The following ZNF536 variants were observed in gnomAD, a reference collection of about 807,000 sequenced individuals.
ZNF536 encodes zinc finger protein 536.
ZNF536 carries 13 observed loss-of-function variants against 84.5 expected under a neutral mutation model. That is an observed-to-expected ratio of 0.15 (90% CI 0.10 to 0.24). The LOEUF (loss-of-function observed/expected upper bound fraction) is 0.24, where lower values mean the gene tolerates loss of function less well. ZNF536 is among the 10% of genes least tolerant of loss of function. The pLI is 1.00. For missense variants in ZNF536, 1,536 were observed against 1,747.5 expected (o/e 0.88, Z 2.16); for synonymous variants, 811 against 742.5 (o/e 1.09, Z -1.50).
chr19:30,546,554 C>T (rs2045565714), intron 3 of ZNF536, among the ~76,000 whole-genome samples: 1 of 152,180 alleles, frequency 6.6e-6, no homozygotes. Context: ...CTCACAAAGT[C>T]CACGCCCCCA....
intron 2 of ZNF536, among the ~76,000 whole-genome samples, chr19:30,321,734 C>T (rs921097915): frequency 6.0e-5 from 9 of 150,320 alleles, no homozygotes; most frequent in Non-Finnish European, 1.0e-4. Flanking sequence ...ATTAGTCTAC[C>T]TGGCTAATTT....
chr19:30,534,817 T>G, intron 2 of ZNF536, 30 bp from the exon 3 acceptor site: 2 of 1,590,244 alleles, frequency 1.3e-6, no homozygotes, highest in Non-Finnish European at 1.7e-6. Context: ...TGTGCTGAAG[T>G]GATGTGAGAA....
At chr19:30,688,489 T>G (rs1371846630) in intron 1 of ZNF536, among the ~76,000 whole-genome samples, 1 of 152,234 alleles carries the variant, frequency 6.6e-6, no homozygotes, top group Admixed American at 6.5e-5. Context: ...ATCCATCATA[T>G]TTTGAGAGTC....
intron 1 of ZNF536, among the ~76,000 whole-genome samples, chr19:30,679,679 G>A (rs553313788): frequency 5.3e-5 from 8 of 152,198 alleles, no homozygotes; most frequent in South Asian, 2.1e-4. Flanking sequence ...AGGCAGGTGC[G>A]TGTCGGCTCC....
intron 2 of ZNF536, among the ~76,000 whole-genome samples, chr19:30,469,270 C>G (rs578191796): frequency 6.6e-6 from 1 of 152,056 alleles, no homozygotes; most frequent in Admixed American, 6.5e-5. Context: ...AAAAATTAGC[C>G]GGGCGTGGTG....
chr19:30,386,571 T>C (rs1011156814), intron 1 of ZNF536, among the ~76,000 whole-genome samples: 2 of 151,858 alleles, frequency 1.3e-5, no homozygotes, highest in Non-Finnish European at 2.9e-5. Context: ...AGAGAGGGGG[T>C]CTCAGTATGT....
chr19:30,402,666 G>A (rs936212657), intron 1 of ZNF536, among the ~76,000 whole-genome samples: 11 of 151,526 alleles, frequency 7.3e-5, no homozygotes, highest in African/African-American at 2.2e-4. Flanking sequence ...CGCGGCCGAC[G>A]TGGGTTTAAA....
intron 3 of ZNF536, among the ~76,000 whole-genome samples, chr19:30,545,078 G>T (rs2045488206): frequency 6.6e-6 from 1 of 152,180 alleles, no homozygotes; most frequent in Non-Finnish European, 1.5e-5. Flanking sequence ...GGGCCACCTG[G>T]GAAAGTCCCG....
intron 1 of ZNF536, among the ~76,000 whole-genome samples, chr19:30,270,750 G>GTTT (rs34762536): frequency 7.1e-6 from 1 of 141,624 alleles, no homozygotes. Context: ...AAAAATGCAG[G>GTTT]TTTTTTTTTT....
At chr19:30,666,226 A>C (rs921276631) in intron 1 of ZNF536, among the ~76,000 whole-genome samples, 6 of 152,206 alleles carry the variant, frequency 3.9e-5, no homozygotes, top group African/African-American at 1.2e-4. Context: ...CCCTCCCAGC[A>C]GCAGGTGCAC....
intron 1 of ZNF536, among the ~76,000 whole-genome samples, chr19:30,628,915 G>A (rs2048788871): frequency 6.6e-6 from 1 of 152,172 alleles, no homozygotes; most frequent in Admixed American, 6.5e-5. Flanking sequence ...ACATAGGCCA[G>A]GCTGGTCTTG....
Position 30,616,602 on chromosome 19 carries a change from A to T in ZNF536, c.169+67088A>T, listed in dbSNP as rs540579304. On this transcript the variant is annotated intron_variant, in intron 1 of 1. Coordinates refer to the ZNF536 transcript ENST00000592773. Reference sequence around the variant, plus strand: ...ATTTGTTATTTGCATTGCTGTTACAAAGCATGATTGATTGATTTTTAATAT... The same window carrying T: ...ATTTGTTATTTGCATTGCTGTTACATAGCATGATTGATTGATTTTTAATAT... Among the ~76,000 whole-genome samples, 7 of 152,314 alleles carry T rather than the reference A, an allele frequency of 4.6e-5. No individual in the cohort carries two copies. The South Asian group carries it at 1.4e-3, about 32-fold the overall frequency.
chr19:30,572,638 C>T (rs907950285), intron 1 of ZNF536, among the ~76,000 whole-genome samples: 1 of 152,178 alleles, frequency 6.6e-6, no homozygotes, highest in African/African-American at 2.4e-5. Flanking sequence ...TGGTCGCCAA[C>T]AGAGTAATCA....
At chr19:30,559,616 G>A (rs893633313), downstream of ZNF536, among the ~76,000 whole-genome samples, 3 of 152,172 alleles carry the variant, frequency 2.0e-5, no homozygotes, top group Non-Finnish European at 4.4e-5. Context: ...TAGCACCTGT[G>A]GGTTTTGCCA....
chr19:30,229,532 TGGGGCTGCG>T (rs2022858927), intron 1 of ZNF536, among the ~76,000 whole-genome samples: 1 of 152,058 alleles, frequency 6.6e-6, no homozygotes, highest in Non-Finnish European at 1.5e-5. Flanking sequence ...GGAACTTGCC[TGGGGCTGCG>T]CCCACCACCC....
chr19:30,515,919 C>T (rs1555787732), intron 2 of ZNF536, among the ~76,000 whole-genome samples: 1 of 148,772 alleles, frequency 6.7e-6, no homozygotes, highest in Non-Finnish European at 1.5e-5. Context: ...CCCAGCTACT[C>T]GTGGGGCTGA....
chr19:30,619,743 T>C (rs2048415704), intron 1 of ZNF536, among the ~76,000 whole-genome samples: 1 of 152,230 alleles, frequency 6.6e-6, no homozygotes, highest in African/African-American at 2.4e-5. Flanking sequence ...TCCCTGCTCT[T>C]CCTTGCAGGA....
At chr19:30,506,199 A>C (rs545322623) in intron 2 of ZNF536, among the ~76,000 whole-genome samples, 8 of 152,274 alleles carry the variant, frequency 5.3e-5, no homozygotes, top group Non-Finnish European at 1.0e-4. Context: ...TTTGTTTCAT[A>C]AGCAGACAGG....
rs958032873 is a variant in ZNF536 at position 30,254,935 on chromosome 19, T to C, written c.-190+26262T>C. Among the ~76,000 whole-genome samples, 12 of 152,340 alleles carry C rather than the reference T, an allele frequency of 7.9e-5. No individual in the cohort carries two copies. The South Asian group carries it at 8.3e-4, about 11-fold the overall frequency. ...AATGGGTTATTTTATTTAAGGACAATCTACCTTGGAGTGGTTAGTGTTTCT... is the reference window on the plus strand; with the variant it reads ...AATGGGTTATTTTATTTAAGGACAACCTACCTTGGAGTGGTTAGTGTTTCT... On this transcript the variant is annotated intron_variant, in intron 1 of 5. Coordinates refer to the ZNF536 transcript ENST00000585628.
Sources: gnomAD v4.1 joint callset for allele counts (sites outside exome capture counted in the v4.1 genomes callset) on GRCh38, gnomAD v4.1.1 for gene constraint, MANE v1.5 for transcripts, NCBI Gene and HGNC (gene_info 2026-07-23, HGNC 2026-07-21) for gene names.